The following VPS13B variants were observed in gnomAD, a reference collection of about 807,000 sequenced individuals.
The protein encoded by VPS13B is vacuolar protein sorting 13 homolog B, also known as intermembrane lipid transfer protein VPS13B.
A neutral mutation model predicts 426.4 loss-of-function variants in VPS13B; 285 were observed. The observed-to-expected ratio is 0.67, with a 90% confidence interval of 0.61 to 0.74. The LOEUF (loss-of-function observed/expected upper bound fraction) is 0.74. Among genes scored for constraint, VPS13B ranks in the 30% least tolerant of loss-of-function variants. The probability of loss-of-function intolerance (pLI) is 0.00; values close to 1 mark genes in which losing one functional copy is unlikely to be tolerated. For missense variants in VPS13B, 4,537 were observed against 4,782.6 expected, an observed-to-expected ratio of 0.95 and a Z score of 1.51; for synonymous variants, 1,676 against 1,676.4, an observed-to-expected ratio of 1.00 and a Z score of 0.01.
intron 33 of VPS13B, among the ~76,000 whole-genome samples, chr8:99,619,645 G>A (rs1360085436): frequency 6.6e-6 from 1 of 152,168 alleles, no homozygotes; most frequent in Non-Finnish European, 1.5e-5. Context: ...GCCAAGACAG[G>A]AGGATTGCTT....
At chr8:99,316,413 T>C (rs921975895) in intron 19 of VPS13B, among the ~76,000 whole-genome samples, 1 of 152,164 alleles carries the variant, frequency 6.6e-6, no homozygotes, top group Non-Finnish European at 1.5e-5. Flanking sequence ...TGCTATGCTG[T>C]AGTTGCTTAG....
At position 99,121,218 on chromosome 8, in the gene VPS13B, C is replaced by T. The variant is rs1205613982; in HGVS notation, c.979C>T (p.Gln327Ter). ...ETRIDMQYPA[Q>*]HKGQELYSQQ... ...AAGAATAGATATGCAATATCCTGCT[C>T]AGCATAAAGGTCAAGAGTTATATTC... is the stretch of plus-strand genomic sequence containing the variant. The change falls in exon 8 of 62, where the codon CAG (glutamine) becomes TAG (stop). Residue 327 changes from glutamine to a stop codon, truncating the protein, a stop_gained. Coordinates refer to ENST00000357162, the MANE Select transcript of VPS13B (RefSeq NM_152564.5). LOFTEE classifies it high-confidence loss of function. 1 of 1,613,916 alleles carries T rather than the reference C, an allele frequency of 6.2e-7. No individual in the cohort carries two copies. Among genetic ancestry groups the T allele is most frequent in the South Asian group, 1.1e-5 (1 of 91,040 alleles).
At chr8:99,486,872 A>G (rs1820335951) in intron 25 of VPS13B, among the ~76,000 whole-genome samples, 1 of 152,164 alleles carries the variant, frequency 6.6e-6, no homozygotes, top group Admixed American at 6.5e-5. Flanking sequence ...CTATCGTATT[A>G]GAAAAAGATG....
intron 29 of VPS13B, 113 bp from the exon 30 acceptor site, chr8:99,520,786 T>G: frequency 1.3e-6 from 1 of 759,340 alleles, no homozygotes; most frequent in Non-Finnish European, 2.2e-6. Flanking sequence ...TTTTTCTTAT[T>G]TATTGGTCTT....
intron 15 of VPS13B, among the ~76,000 whole-genome samples, chr8:99,163,087 C>T (rs1811765455): frequency 6.6e-6 from 1 of 152,160 alleles, no homozygotes; most frequent in Non-Finnish European, 1.5e-5. Context: ...GAGCTAAACA[C>T]AGGGTGCTGA....
At chr8:99,121,156 T>C in intron 7 of VPS13B, 21 bp from the exon 8 acceptor site, 1 of 1,605,160 alleles carries the variant, frequency 6.2e-7, no homozygotes, top group Non-Finnish European at 8.5e-7. Context: ...TTATTTAAAA[T>C]GACTTAATTT....
chr8:99,823,832 T>A lies in VPS13B; in HGVS notation c.9184T>A (p.Leu3062Ile), dbSNP rs1814516142. 6.2e-7 allele frequency: 1 copy of A among 1,613,334 alleles called. No individual in the cohort carries two copies. Among genetic ancestry groups the A allele is most frequent in the South Asian group, 1.1e-5 (1 of 91,074 alleles). The change falls in exon 51 of 62, where the codon TTA (leucine) becomes ATA (isoleucine). Residue 3062 changes from leucine (L) to isoleucine (I), a missense_variant and splice_region_variant. Leu to Ile is a conservative substitution (Grantham distance 5). Coordinates refer to ENST00000357162, the MANE Select transcript of VPS13B (RefSeq NM_152564.5). ...TTATTTTTTCTCAATTATCTTGTAG[T>A]TATGTCAGTTCTGCATTTCCTCCAT... is the stretch of plus-strand genomic sequence containing the variant. ...RLGAFPGHQK[L>I]CQFCISSMVQ...
At chr8:99,148,031 T>C (rs769697444) in intron 14 of VPS13B, 21 bp downstream of exon 14, 2 of 1,607,492 alleles carry the variant, frequency 1.2e-6, no homozygotes, top group South Asian at 2.2e-5. Flanking sequence ...TGATTTGCTA[T>C]ATTTTTTTTC....
At chr8:99,225,530 C>T (rs1450515429) in intron 17 of VPS13B, among the ~76,000 whole-genome samples, 2 of 152,076 alleles carry the variant, frequency 1.3e-5, no homozygotes, top group Non-Finnish European at 2.9e-5. Flanking sequence ...TCCATCTTGG[C>T]CTAACTGTTA....
intron 54 of VPS13B, among the ~76,000 whole-genome samples, chr8:99,836,501 A>T (rs933409301): frequency 4.9e-5 from 7 of 142,558 alleles, no homozygotes; most frequent in Non-Finnish European, 4.5e-5. Flanking sequence ...AGTATCTCAG[A>T]TAAGTAGAAT....
At chr8:99,612,562 A>T (rs1827889556) in intron 33 of VPS13B, among the ~76,000 whole-genome samples, 1 of 152,148 alleles carries the variant, frequency 6.6e-6, no homozygotes, top group Admixed American at 6.5e-5. Context: ...CCTTTCTTCA[A>T]AAACCTTCAT....
At chr8:99,578,735 TA>T (rs1825893042) in intron 33 of VPS13B, among the ~76,000 whole-genome samples, 1 of 152,164 alleles carries the variant, frequency 6.6e-6, no homozygotes, top group African/African-American at 2.4e-5. Context: ...TTGAGTTGGA[TA>T]AAAGTAAATT....
At chr8:99,593,397 A>G (rs748563706) in intron 33 of VPS13B, among the ~76,000 whole-genome samples, 1 of 152,138 alleles carries the variant, frequency 6.6e-6, no homozygotes, top group African/African-American at 2.4e-5. Context: ...ATTCTTAAAA[A>G]GTCAAAAAAC....
At chr8:99,532,213 G>A (rs1588468328) in intron 30 of VPS13B, among the ~76,000 whole-genome samples, 1 of 152,008 alleles carries the variant, frequency 6.6e-6, no homozygotes, top group African/African-American at 2.4e-5. Context: ...TTTAAACATC[G>A]TCAATTGTGA....
rs930880093 is a variant in VPS13B at position 99,594,084 on chromosome 8, G to GA, written c.5220+16460dup. On this transcript the variant is annotated intron_variant, in intron 33 of 61. Transcript: ENST00000357162. The stretch of plus-strand genomic sequence containing the variant: ...GTACCACTGAACTTAAACGTTAAAG[G>GA]AAAAAAAAATGCTTTTCTTTTGCAT... Among the ~76,000 whole-genome samples the GA allele has an allele frequency of 6.9e-4, 103 of 149,848 alleles. 1 individual carries two copies. The highest frequency in any genetic ancestry group is 2.1e-3 in the Admixed American group (31 of 15,028).
At chr8:99,035,757 G>T (rs1031362255) in intron 2 of VPS13B, among the ~76,000 whole-genome samples, 1 of 152,162 alleles carries the variant, frequency 6.6e-6, no homozygotes, top group Non-Finnish European at 1.5e-5. Flanking sequence ...ATTATGTTCT[G>T]TAGCAGTTGT....
At chr8:99,152,348 A>G (rs1554643914) in intron 14 of VPS13B, among the ~76,000 whole-genome samples, 1 of 152,118 alleles carries the variant, frequency 6.6e-6, no homozygotes, top group Non-Finnish European at 1.5e-5. Flanking sequence ...GTTTAATTCC[A>G]TTATGGTCTC....
chr8:99,210,686 A>G (rs1449267321), intron 17 of VPS13B, among the ~76,000 whole-genome samples: 1 of 152,048 alleles, frequency 6.6e-6, no homozygotes, highest in Non-Finnish European at 1.5e-5. Context: ...GCTCACTGCA[A>G]CTTCAGCCTC....
chr8:99,487,954 T>C (rs1348897807), intron 25 of VPS13B, among the ~76,000 whole-genome samples: 1 of 152,178 alleles, frequency 6.6e-6, no homozygotes, highest in Non-Finnish European at 1.5e-5. Context: ...TAGTTTTGCC[T>C]TGAAGTAATT....
Sources: allele counts gnomAD v4.1 joint callset (sites outside exome capture counted in the v4.1 genomes callset), GRCh38; gene constraint gnomAD v4.1.1; transcripts MANE v1.5; gene names NCBI Gene and HGNC (gene_info 2026-07-23, HGNC 2026-07-21).